Variants in BMP5 observed in about 807,000 individuals in gnomAD.
The protein encoded by BMP5 is bone morphogenetic protein 5.
Under a neutral mutation model 46.6 loss-of-function variants are expected in BMP5, and 23 were observed. The observed-to-expected ratio is 0.49, with a 90% confidence interval of 0.35 to 0.70. The LOEUF (loss-of-function observed/expected upper bound fraction) is 0.70. BMP5 is among the 30% of genes least tolerant of loss of function. The probability of loss-of-function intolerance (pLI) is 0.00; values close to 1 mark genes in which losing one functional copy is unlikely to be tolerated. For missense variants in BMP5, 545 were observed against 565.6 expected (o/e 0.96, Z 0.37); for synonymous variants, 204 against 191.9 (o/e 1.06, Z -0.52).
chr6:55,862,329 C>A (rs1039195447), intron 1 of BMP5, among the ~76,000 whole-genome samples: 38 of 152,252 alleles, frequency 2.5e-4, no homozygotes, highest in Admixed American at 2.2e-3. Flanking sequence ...ATTGCCCAAT[C>A]CCCAATACCG....
intron 2 of BMP5, among the ~76,000 whole-genome samples, chr6:55,809,606 G>T (rs1218190910): frequency 6.6e-6 from 1 of 151,876 alleles, no homozygotes; most frequent in Non-Finnish European, 1.5e-5. Flanking sequence ...GTGTATGCAT[G>T]CATATATTAT....
intron 1 of BMP5, among the ~76,000 whole-genome samples, chr6:55,871,662 G>T (rs1302079099): frequency 1.3e-5 from 2 of 151,338 alleles, no homozygotes; most frequent in African/African-American, 2.4e-5. Context: ...ATTGTTCTTC[G>T]TGACCAAAAC....
At chr6:55,793,081 C>T (rs552658660) in intron 3 of BMP5, among the ~76,000 whole-genome samples, 8 of 152,160 alleles carry the variant, frequency 5.3e-5, no homozygotes, top group African/African-American at 1.7e-4. Context: ...GTCTTATCCT[C>T]CTATCATGAC....
At chr6:55,813,031 C>T (rs541633025) in intron 2 of BMP5, among the ~76,000 whole-genome samples, 8 of 151,648 alleles carry the variant, frequency 5.3e-5, no homozygotes, top group East Asian at 1.9e-4. Flanking sequence ...TAAATTTTTT[C>T]GAAAAATAAA....
At chr6:55,762,482 G>T (rs1774811439) in intron 4 of BMP5, among the ~76,000 whole-genome samples, 1 of 152,068 alleles carries the variant, frequency 6.6e-6, no homozygotes, top group African/African-American at 2.4e-5. Flanking sequence ...TTCCTACTAT[G>T]CAATTAACTT....
rs1306324749 is a variant in BMP5 at position 55,840,194 on chromosome 6, AT to A, written c.491-20348del. Among the ~76,000 whole-genome samples the A allele has an allele frequency of 5.3e-5, 8 of 152,240 alleles. No homozygotes were observed. The South Asian group carries it at 1.0e-3, about 20-fold the overall frequency. ...TTTTATGTCAGTATACAGAAATACA[AT>A]TTTTTATATTAACTTTGTATTCTGT... On this transcript the variant is annotated intron_variant, in intron 1 of 6. Coordinates refer to ENST00000370830, the MANE Select transcript of BMP5 (RefSeq NM_021073.4).
chr6:55,853,157 TA>T (rs1220554232), intron 1 of BMP5, among the ~76,000 whole-genome samples: 1 of 27,752 alleles, frequency 3.6e-5, no homozygotes, highest in Non-Finnish European at 6.7e-5. Flanking sequence ...TAAAATAAAA[TA>T]AAATAAAATA....
intron 2 of BMP5, among the ~76,000 whole-genome samples, chr6:55,815,617 A>C (rs981853892): frequency 1.3e-5 from 2 of 152,178 alleles, no homozygotes; most frequent in African/African-American, 4.8e-5. Context: ...ACGTAGCTAT[A>C]GTAGCAGAAA....
chr6:55,780,735 T>C (rs868533279), intron 3 of BMP5, among the ~76,000 whole-genome samples: 2 of 151,966 alleles, frequency 1.3e-5, no homozygotes, highest in Non-Finnish European at 1.5e-5. Context: ...ACTAAAGTCA[T>C]GCAGGGGGAG....
intron 2 of BMP5, among the ~76,000 whole-genome samples, chr6:55,819,147 A>G (rs923568404): frequency 2.6e-5 from 4 of 152,200 alleles, no homozygotes; most frequent in African/African-American, 9.6e-5. Context: ...GTTTTTATGC[A>G]TTTAGTATTT....
chr6:55,866,078 T>C (rs367858340), intron 1 of BMP5, among the ~76,000 whole-genome samples: 1 of 152,190 alleles, frequency 6.6e-6, no homozygotes, highest in African/African-American at 2.4e-5. Context: ...GTCTTTTGTG[T>C]GTCTGCATCA....
intron 1 of BMP5, among the ~76,000 whole-genome samples, chr6:55,859,498 G>A (rs1301063984): frequency 6.6e-6 from 1 of 152,100 alleles, no homozygotes; most frequent in East Asian, 1.9e-4. Flanking sequence ...TATTCATAAG[G>A]AGAAAATGAA....
rs558813461 is a variant in BMP5, at chr6:55,873,872, T to C, written c.490+504A>G. On this transcript the variant is annotated intron_variant, in intron 1 of 6. Coordinates refer to ENST00000370830, the MANE Select transcript of BMP5 (RefSeq NM_021073.4). ...TTGATTCCTTGATAGTAATCTTTTA[T>C]GGTGCTATTCAATCTTGGTTAATTT... Among the ~76,000 whole-genome samples, 3 of 152,222 alleles carry C rather than the reference T, an allele frequency of 2.0e-5. No individual in the cohort carries two copies. The East Asian group carries it at 5.8e-4, about 29-fold the overall frequency.
chr6:55,776,689 G>GT (rs147659638), intron 3 of BMP5, among the ~76,000 whole-genome samples: 15,820 of 151,798 alleles, frequency 0.1, 934 homozygotes, highest in Middle Eastern at 0.17. Context: ...ACTGAAATAG[G>GT]TTGCTGAGAG....
chr6:55,796,554 G>A (rs970871862), intron 2 of BMP5, among the ~76,000 whole-genome samples: 1 of 151,360 alleles, frequency 6.6e-6, no homozygotes, highest in African/African-American at 2.4e-5. Flanking sequence ...CAATGTGCAG[G>A]TTAGTTACAT....
chr6:55,773,053 C>T, intron 4 of BMP5: 1 of 382,306 alleles, frequency 2.6e-6, no homozygotes, highest in Non-Finnish European at 3.6e-6. Flanking sequence ...GGAATAATGA[C>T]AAAGACTGTT....
At chr6:55,828,982 G>A (rs956222517) in intron 1 of BMP5, among the ~76,000 whole-genome samples, 14 of 151,672 alleles carry the variant, frequency 9.2e-5, no homozygotes, top group African/African-American at 3.4e-4. Flanking sequence ...GTACATGGAT[G>A]TATAATCACA....
intron 2 of BMP5, among the ~76,000 whole-genome samples, chr6:55,801,181 A>T (rs972749995): frequency 6.6e-6 from 1 of 152,210 alleles, no homozygotes; most frequent in African/African-American, 2.4e-5. Flanking sequence ...CTGCAAAGGA[A>T]ATTTGGGTAA....
chr6:55,819,893 T>G, intron 1 of BMP5, 46 bp from the exon 2 acceptor site: 1 of 1,451,480 alleles, frequency 6.9e-7, no homozygotes. Context: ...TAGTCTTTTA[T>G]AAAATATGGA....
Sources: allele counts gnomAD v4.1 joint callset (sites outside exome capture counted in the v4.1 genomes callset), GRCh38; gene constraint gnomAD v4.1.1; transcripts MANE v1.5; gene names NCBI Gene and HGNC (gene_info 2026-07-23, HGNC 2026-07-21).